TBC1D30: variants seen among roughly 807,000 people sequenced by gnomAD.
The protein encoded by TBC1D30 is TBC1 domain family, member 30.
A neutral mutation model predicts 63.2 loss-of-function variants in TBC1D30; 31 were observed. The ratio of observed to expected loss-of-function variants is 0.49; its 90% CI spans 0.37 to 0.66. TBC1D30 has a LOEUF of 0.66. Ranked by LOEUF, TBC1D30 falls within the 30% of genes least tolerant of loss-of-function variation. The pLI is 0.00. For missense variants in TBC1D30, 810 were observed against 953.6 expected (o/e 0.85, Z 1.98); for synonymous variants, 307 against 361.5 (o/e 0.85, Z 1.71).
chr12:64,804,902 G>A (rs917465070), intron 2 of TBC1D30, among the ~76,000 whole-genome samples: 19 of 152,220 alleles, frequency 1.2e-4, no homozygotes, highest in Non-Finnish European at 7.4e-5. Flanking sequence ...AAGTAGAACC[G>A]TTAAAGAGGC....
At chr12:64,761,434 T>C (rs547901646) in intron 1 of TBC1D30, among the ~76,000 whole-genome samples, 1 of 152,282 alleles carries the variant, frequency 6.6e-6, no homozygotes, top group South Asian at 2.1e-4. Context: ...CAGATGGTTA[T>C]GCATTCTAAG....
Position 64,878,570 on chromosome 12 carries a change from CTTG to C in TBC1D30, c.*2788_*2790del, listed in dbSNP as rs1006994237. On this transcript the variant is annotated 3_prime_UTR_variant, in exon 12 of 12. Transcript: ENST00000539867. ...GGACATTGTATTCCTTTGTTTGTCT[CTTG>C]TTGTTCTGAAGGATTGTATTGATCA... 8.8e-6 allele frequency: 4 copies of C among 456,588 alleles called. No individual in the cohort carries two copies. The highest frequency in any genetic ancestry group is 6.9e-5 in the East Asian group (1 of 14,398). The allele number at this position is 456,588 out of a possible 1,614,324, so 28.3% of individuals were successfully genotyped here.
At chr12:64,793,202 G>A (rs770415437) in intron 2 of TBC1D30, among the ~76,000 whole-genome samples, 4 of 152,046 alleles carry the variant, frequency 2.6e-5, no homozygotes, top group Non-Finnish European at 4.4e-5. Flanking sequence ...AATTCGCTGG[G>A]CGTTGTGGCA....
intron 8 of TBC1D30, among the ~76,000 whole-genome samples, chr12:64,860,965 G>C (rs1877737292): frequency 6.6e-6 from 1 of 152,210 alleles, no homozygotes; most frequent in South Asian, 2.1e-4. Flanking sequence ...TTCGCTTACA[G>C]TTTAAACGTT....
intron 6 of TBC1D30, 107 bp from the exon 7 acceptor site, chr12:64,838,576 C>T: frequency 3.6e-6 from 4 of 1,106,452 alleles, no homozygotes; most frequent in Non-Finnish European, 3.7e-6. Context: ...AGAAATCAGT[C>T]AGGAAATACA....
At chr12:64,775,327 C>G (rs985712292) in intron 1 of TBC1D30, among the ~76,000 whole-genome samples, 2 of 152,050 alleles carry the variant, frequency 1.3e-5, no homozygotes, top group African/African-American at 2.4e-5. Flanking sequence ...TTAAAAGACA[C>G]AGAATGGCAA....
chr12:64,870,781 C>T lies in TBC1D30; in HGVS notation c.1471C>T (p.Gln491Ter). 6.5e-7 allele frequency: 1 copy of T among 1,536,002 alleles called. No individual in the cohort carries two copies. The change falls in exon 11 of 12, where the codon CAG becomes TAG. Residue 491 changes from glutamine to a stop codon, truncating the protein, a stop_gained. Transcript: ENST00000539867. LOFTEE classifies it low-confidence loss of function (END_TRUNC). ...TCGAATTAAAAAGAAGCAACAGCAGCAGGTTCATCAGGTGTACATCAGGGC... is the reference window on the plus strand; with the variant it reads ...TCGAATTAAAAAGAAGCAACAGCAGTAGGTTCATCAGGTGTACATCAGGGC... ...YSRIKKKQQQ[Q>*]VHQVYIRADK...
chr12:64,852,026 G>A (rs1467336683), intron 8 of TBC1D30, among the ~76,000 whole-genome samples: 1 of 150,778 alleles, frequency 6.6e-6, no homozygotes, highest in African/African-American at 2.5e-5. Flanking sequence ...GAGTATCTTT[G>A]TGGTGTTCTC....
chr12:64,791,249 T>C (rs1229666158), intron 2 of TBC1D30, among the ~76,000 whole-genome samples: 1 of 152,204 alleles, frequency 6.6e-6, no homozygotes, highest in Non-Finnish European at 1.5e-5. Flanking sequence ...GATTAGTGGT[T>C]GCTAGAGGCT....
intron 8 of TBC1D30, among the ~76,000 whole-genome samples, chr12:64,860,664 T>C (rs1877713137): frequency 6.6e-6 from 1 of 152,128 alleles, no homozygotes; most frequent in African/African-American, 2.4e-5. Context: ...ATTTGGCCCA[T>C]GGGTGGTTCT....
At chr12:64,813,060 A>C (rs911100210) in intron 2 of TBC1D30, among the ~76,000 whole-genome samples, 1 of 152,144 alleles carries the variant, frequency 6.6e-6, no homozygotes, top group Non-Finnish European at 1.5e-5. Flanking sequence ...TTGGTAATCT[A>C]TGACAAATGT....
In TBC1D30 at chr12:64,832,107, C is replaced by T. The variant is rs1055490578; in HGVS notation, c.409-12C>T. On this transcript the variant is annotated splice_polypyrimidine_tract_variant and intron_variant, in intron 4 of 11. Coordinates refer to ENST00000539867, the MANE Select transcript of TBC1D30 (RefSeq NM_015279.2). ...GAGTTATTTTTGAAAATATTGTTTCCCTTCCATTTAGGACCTTCACCGCAC... is the reference window on the plus strand; with the variant it reads ...GAGTTATTTTTGAAAATATTGTTTCTCTTCCATTTAGGACCTTCACCGCAC... 7.3e-6 allele frequency: 11 copies of T among 1,506,092 alleles called. No homozygotes were observed. In the African/African-American group the frequency reaches 9.7e-5, roughly 13 times the overall value. The allele number at this position is 1,506,092 out of a possible 1,614,324, so 93.3% of individuals were successfully genotyped here. A position where few individuals can be genotyped will look rare whatever the true frequency, so the allele number is the denominator to read the frequency against.
chr12:64,843,338 A>G, intron 7 of TBC1D30, 42 bp from the exon 8 acceptor site: 4 of 1,490,720 alleles, frequency 2.7e-6, no homozygotes, highest in Non-Finnish European at 3.6e-6. Flanking sequence ...CACAGCATGG[A>G]TGCCCTAAAC....
intron 1 of TBC1D30, 111 bp downstream of exon 1, chr12:64,825,144 G>C (rs1248059208): frequency 3.6e-6 from 5 of 1,385,472 alleles, no homozygotes; most frequent in Non-Finnish European, 4.7e-6. Flanking sequence ...GAAAGTCCGC[G>C]TGCCACCTGG....
rs1222134002 is a variant in TBC1D30, at chr12:64,877,098, A to G, written c.*1310A>G. On this transcript the variant is annotated 3_prime_UTR_variant, in exon 12 of 12. Transcript: ENST00000539867. ...CTCCTGACTCAAAGGACCTGTCTCC[A>G]GATGGTACAGAGTCCCTTGATGGCA... 1 of 353,762 alleles carries G rather than the reference A, an allele frequency of 2.8e-6. No individual in the cohort carries two copies. Among genetic ancestry groups the G allele is most frequent in the Non-Finnish European group, 5.6e-6 (1 of 177,892 alleles). The allele number at this position is 353,762 out of a possible 1,614,324, so 21.9% of individuals were successfully genotyped here. A position where few individuals can be genotyped will look rare whatever the true frequency, so the allele number is the denominator to read the frequency against.
chr12:64,793,593 G>A (rs937022695), intron 2 of TBC1D30, among the ~76,000 whole-genome samples: 8 of 152,166 alleles, frequency 5.3e-5, no homozygotes, highest in South Asian at 4.2e-4. Context: ...CCTGGGAGGC[G>A]GAGGTTGCAA....
intron 2 of TBC1D30, among the ~76,000 whole-genome samples, chr12:64,802,186 A>G (rs1370063858): frequency 6.6e-6 from 1 of 152,128 alleles, no homozygotes; most frequent in Non-Finnish European, 1.5e-5. Context: ...CCCCGACATC[A>G]TTTGCAGAAA....
intron 2 of TBC1D30, among the ~76,000 whole-genome samples, chr12:64,789,514 ATAAAAACTATT>A (rs1162481453): frequency 6.6e-6 from 1 of 152,220 alleles, no homozygotes; most frequent in Non-Finnish European, 1.5e-5. Context: ...ATGCTATAGA[ATAAAAACTATT>A]TTATTGTTTT....
At chr12:64,838,595 G>A in intron 6 of TBC1D30, 88 bp from the exon 7 acceptor site, 4 of 1,268,584 alleles carry the variant, frequency 3.2e-6, no homozygotes, top group Non-Finnish European at 4.2e-6. Context: ...CAACAAATTT[G>A]AGTGGACATG....
Sources: allele counts gnomAD v4.1 joint callset (sites outside exome capture counted in the v4.1 genomes callset), GRCh38; gene constraint gnomAD v4.1.1; transcripts MANE v1.5; gene names NCBI Gene and HGNC (gene_info 2026-07-23, HGNC 2026-07-21).